The following ARMC9 variants were observed in gnomAD, a reference collection of about 807,000 sequenced individuals.
ARMC9 encodes the protein armadillo repeat containing 9, also known as lisH domain-containing protein ARMC9.
Under a neutral mutation model 107.0 loss-of-function variants are expected in ARMC9, and 94 were observed. That is an observed-to-expected ratio of 0.88 (90% CI 0.74 to 1.04). The LOEUF is 1.04. ARMC9 is among the 50% of genes least tolerant of loss of function. The pLI, the probability that ARMC9 is intolerant of heterozygous loss-of-function variation, is 0.00. For missense variants in ARMC9, 942 were observed against 1,030.1 expected (o/e 0.91, Z 1.17); for synonymous variants, 380 against 396.9 (o/e 0.96, Z 0.51).
chr2:231,327,189 T>A (rs1387740980), intron 19 of ARMC9, among the ~76,000 whole-genome samples: 1 of 152,202 alleles, frequency 6.6e-6, no homozygotes, highest in African/African-American at 2.4e-5. Context: ...CCCATGATTG[T>A]GTGTGCCGTT....
intron 19 of ARMC9, among the ~76,000 whole-genome samples, chr2:231,325,652 AT>A (rs979005710): frequency 3.9e-5 from 6 of 152,054 alleles, no homozygotes; most frequent in African/African-American, 1.5e-4. Flanking sequence ...AGGAGTACTC[AT>A]TTTCCTAAAA....
At chr2:231,244,364 C>CTTT (rs780440851) in intron 9 of ARMC9, among the ~76,000 whole-genome samples, 14 of 129,904 alleles carry the variant, frequency 1.1e-4, no homozygotes, top group Admixed American at 1.6e-4. Context: ...GAATGTGGAT[C>CTTT]TTTTTTTTTT....
intron 23 of ARMC9, among the ~76,000 whole-genome samples, chr2:231,369,750 C>T (rs1409300534): frequency 2.6e-5 from 4 of 151,942 alleles, no homozygotes; most frequent in Non-Finnish European, 4.4e-5. Context: ...CCCGCCACCG[C>T]GCCCGGCTAA....
In ARMC9 at chr2:231,331,937, G is replaced by T. The variant is rs201810790; in HGVS notation, c.1878+40G>T. The stretch of plus-strand genomic sequence containing the variant: ...AAGGGTGGGGATCCTGAAACAGAAA[G>T]GCCAGATGGACATTGATGGATTTCG... On this transcript the variant is annotated intron_variant, in intron 20 of 24. Transcript: ENST00000611582. 106 of 1,510,246 alleles carry T rather than the reference G, an allele frequency of 7.0e-5. No homozygotes were observed. The African/African-American group carries it at 1.0e-3, about 15-fold the overall frequency. 93.6% of individuals were successfully genotyped at this position (1,510,246 alleles called of 1,614,324 possible).
intron 16 of ARMC9, among the ~76,000 whole-genome samples, chr2:231,278,700 G>A (rs533905061): frequency 6.6e-6 from 1 of 151,550 alleles, no homozygotes; most frequent in African/African-American, 2.4e-5. Context: ...CCTGTGCCGG[G>A]CCCCTCCGGC....
chr2:231,351,561 GT>G (rs1419319485), intron 21 of ARMC9, among the ~76,000 whole-genome samples: 1 of 152,020 alleles, frequency 6.6e-6, no homozygotes, highest in African/African-American at 2.4e-5. Context: ...ATTTAGTATA[GT>G]TTTTTCCTAC....
At chr2:231,207,006 A>G (rs1016489198) in intron 2 of ARMC9, among the ~76,000 whole-genome samples, 1 of 152,196 alleles carries the variant, frequency 6.6e-6, no homozygotes, top group Non-Finnish European at 1.5e-5. Flanking sequence ...AAAAATTTAC[A>G]TTTAAAAATC....
intron 14 of ARMC9, 35 bp from the exon 15 acceptor site, chr2:231,276,601 G>T: frequency 6.2e-7 from 1 of 1,613,142 alleles, no homozygotes; most frequent in Non-Finnish European, 8.5e-7. Context: ...AAGTTTCTTG[G>T]CAGTTTGTAT....
rs1574852228 is a variant in ARMC9 at position 231,262,490 on chromosome 2, A to G, written c.1119+92A>G. Reference sequence around the variant, plus strand: ...GGGGAAGCTTATAATTTCTCTGCACATTTTCAGCTTCGTAACTGTATGTCA... The same window carrying G: ...GGGGAAGCTTATAATTTCTCTGCACGTTTTCAGCTTCGTAACTGTATGTCA... On this transcript the variant is annotated intron_variant, in intron 12 of 24. Transcript: ENST00000611582. 1.3e-5 allele frequency: 16 copies of G among 1,242,410 alleles called. No individual in the cohort carries two copies. The East Asian group carries it at 3.3e-4, about 25-fold the overall frequency. 77.0% of individuals were successfully genotyped at this position (1,242,410 alleles called of 1,614,324 possible).
At chr2:231,339,695 C>A (rs990350435) in intron 20 of ARMC9, among the ~76,000 whole-genome samples, 2 of 152,196 alleles carry the variant, frequency 1.3e-5, no homozygotes, top group Non-Finnish European at 2.9e-5. Context: ...ATCCCAACAC[C>A]TTGGGAGGCC....
intron 2 of ARMC9, among the ~76,000 whole-genome samples, chr2:231,207,622 C>G (rs1457312074): frequency 6.6e-6 from 1 of 152,168 alleles, no homozygotes; most frequent in Non-Finnish European, 1.5e-5. Context: ...ACTACAGGCA[C>G]GCGCCACTGC....
intron 9 of ARMC9, among the ~76,000 whole-genome samples, chr2:231,241,302 G>A (rs1452454444): frequency 6.6e-5 from 10 of 151,994 alleles, no homozygotes; most frequent in Admixed American, 2.0e-4. Flanking sequence ...CAAATACGAC[G>A]TCGGTGATCG....
rs201582597 is a variant in ARMC9, at chr2:231,356,468, A to AT, written c.2131+542dup. On this transcript the variant is annotated intron_variant, in intron 22 of 24. Transcript: ENST00000611582. ...ACTTTGAATCAGAAATGTACAAAGT[A>AT]TTTTTTTTAATTTTTGAAAGGAAAT... Among the ~76,000 whole-genome samples the AT allele has an allele frequency of 4.3e-3, 657 of 152,216 alleles. 4 individuals carry two copies. The highest frequency in any genetic ancestry group is 0.015 in the African/African-American group (612 of 41,512).
chr2:231,249,569 G>T (rs2037098077), intron 9 of ARMC9, among the ~76,000 whole-genome samples: 1 of 152,076 alleles, frequency 6.6e-6, no homozygotes, highest in Admixed American at 6.5e-5. Flanking sequence ...TCTTCCTGGG[G>T]CTGAGAAGGG....
intron 23 of ARMC9, among the ~76,000 whole-genome samples, chr2:231,365,823 C>T (rs929015026): frequency 6.6e-6 from 1 of 151,992 alleles, no homozygotes; most frequent in African/African-American, 2.4e-5. Context: ...TTTTGAGACA[C>T]AGTCTCGCTC....
chr2:231,314,322 G>A (rs567521514), intron 19 of ARMC9, among the ~76,000 whole-genome samples: 15 of 151,866 alleles, frequency 9.9e-5, no homozygotes, highest in East Asian at 1.9e-4. Flanking sequence ...CAGCTGATCC[G>A]CCGCCTTGGC....
At chr2:231,366,851 A>G (rs572290678) in intron 23 of ARMC9, among the ~76,000 whole-genome samples, 1 of 150,842 alleles carries the variant, frequency 6.6e-6, no homozygotes, top group East Asian at 2.0e-4. Context: ...AAACAAAACC[A>G]AACAAATTTT....
At chr2:231,274,391 C>T (rs970884887) in intron 14 of ARMC9, among the ~76,000 whole-genome samples, 2 of 152,116 alleles carry the variant, frequency 1.3e-5, no homozygotes, top group Non-Finnish European at 2.9e-5. Context: ...GCTGGGATTA[C>T]AGGTGTGAGC....
At chr2:231,361,075 G>A (rs555410897) in intron 23 of ARMC9, among the ~76,000 whole-genome samples, 192 bp downstream of exon 23, 1 of 152,350 alleles carries the variant, frequency 6.6e-6, no homozygotes, top group East Asian at 1.9e-4. Flanking sequence ...TCGGAGGGCT[G>A]TGCTGCCTGA....
Sources: gnomAD v4.1 joint callset for allele counts (sites outside exome capture counted in the v4.1 genomes callset) on GRCh38, gnomAD v4.1.1 for gene constraint, MANE v1.5 for transcripts, NCBI Gene and HGNC (gene_info 2026-07-23, HGNC 2026-07-21) for gene names.